Variants in ROBO2 observed in about 807,000 individuals in gnomAD.
ROBO2 encodes roundabout homolog 2.
In ROBO2, 53 loss-of-function variants were observed where a neutral mutation model predicts 160.8. The ratio of observed to expected loss-of-function variants is 0.33; its 90% confidence interval spans 0.26 to 0.41. The LOEUF (loss-of-function observed/expected upper bound fraction) is 0.41, where lower values mean the gene tolerates loss of function less well. ROBO2 is among the 10% of genes least tolerant of loss of function. The pLI is 1.00. For missense variants in ROBO2, 1,577 were observed against 1,722.4 expected, an observed-to-expected ratio of 0.92 and a Z score of 1.49; for synonymous variants, 664 against 611.7, an observed-to-expected ratio of 1.09 and a Z score of -1.26.
At chr3:76,658,017 T>C (rs2091647495) in intron 2 of ROBO2, among the ~76,000 whole-genome samples, 3 of 148,336 alleles carry the variant, frequency 2.0e-5, no homozygotes, top group African/African-American at 7.4e-5. Context: ...TGGTGAGCCA[T>C]TATTATGCCA....
chr3:76,785,076 A>T (rs1207743296), intron 2 of ROBO2, among the ~76,000 whole-genome samples: 1 of 151,062 alleles, frequency 6.6e-6, no homozygotes, highest in Non-Finnish European at 1.5e-5. Flanking sequence ...AGAAATTCCT[A>T]TTCTGTTTGC....
intron 2 of ROBO2, among the ~76,000 whole-genome samples, chr3:76,944,098 AACT>A: frequency 6.6e-6 from 1 of 152,338 alleles, no homozygotes; most frequent in Admixed American, 6.5e-5. Flanking sequence ...TCAACAATTT[AACT>A]GTTAAAGACT....
At chr3:77,097,737 G>A (rs2071283781) in intron 1 of ROBO2, among the ~76,000 whole-genome samples, 1 of 152,064 alleles carries the variant, frequency 6.6e-6, no homozygotes, top group Admixed American at 6.5e-5. Context: ...GATCCCAGAA[G>A]AACAAGAAAG....
chr3:77,410,736 T>C (rs2076721143), intron 2 of ROBO2, among the ~76,000 whole-genome samples: 1 of 134,628 alleles, frequency 7.4e-6, no homozygotes, highest in African/African-American at 2.7e-5. Context: ...CTCCTCTTCC[T>C]CCTCCTTTTC....
At chr3:76,111,497 T>A (rs908590778) in intron 2 of ROBO2, among the ~76,000 whole-genome samples, 1 of 152,096 alleles carries the variant, frequency 6.6e-6, no homozygotes, top group Non-Finnish European at 1.5e-5. Flanking sequence ...CCTGGCATTG[T>A]CTCACACTCC....
rs533730505 is a variant in ROBO2, at chr3:77,600,846, T to C, written c.2855-1364T>C. ...GCTCAAAGAAAGAAGGGCAAGAAAG[T>C]AGTTGTGAAGTTCTGAAATTTAAAA... On this transcript the variant is annotated intron_variant, in intron 19 of 25. Transcript: ENST00000461745. Among the ~76,000 whole-genome samples, 3 of 152,350 alleles carry C rather than the reference T, an allele frequency of 2.0e-5. No individual in the cohort carries two copies. The South Asian group carries it at 6.2e-4, about 32-fold the overall frequency.
chr3:76,442,164 C>T (rs1270671425), intron 2 of ROBO2, among the ~76,000 whole-genome samples: 1 of 152,092 alleles, frequency 6.6e-6, no homozygotes, highest in African/African-American at 2.4e-5. Flanking sequence ...TTTCAGGAGG[C>T]CTAGAGAATA....
intron 2 of ROBO2, among the ~76,000 whole-genome samples, chr3:76,761,529 G>T (rs936661963): frequency 6.6e-6 from 1 of 151,660 alleles, no homozygotes; most frequent in Admixed American, 6.6e-5. Flanking sequence ...GGTTATTCCA[G>T]ATAAGTGTAA....
chr3:76,843,438 A>T (rs1016585216), intron 2 of ROBO2, among the ~76,000 whole-genome samples: 2 of 152,014 alleles, frequency 1.3e-5, no homozygotes, highest in African/African-American at 4.8e-5. Context: ...ATCTGTTGAC[A>T]GGAATATAGG....
Position 77,427,349 on chromosome 3 carries a change from T to G in ROBO2, c.389-50065T>G, listed in dbSNP as rs563825206. ...TGTTGTAAGCACTTGATGTATTATT[T>G]CATTTAATTATTACAATTCCCTTAA... On this transcript the variant is annotated intron_variant, in intron 2 of 25. Transcript: ENST00000461745. Among the ~76,000 whole-genome samples the G allele has an allele frequency of 4.6e-5, 7 of 152,352 alleles. No homozygotes were observed. In the East Asian group the frequency reaches 1.2e-3, roughly 25 times the overall value.
Position 76,706,154 on chromosome 3 carries a change from A to G in ROBO2, c.110-391860A>G, listed in dbSNP as rs143131421. Among the ~76,000 whole-genome samples, 1,093 of 152,232 alleles carry G rather than the reference A, an allele frequency of 7.2e-3. 10 individuals carry two copies. Among genetic ancestry groups the G allele is most frequent in the African/African-American group, 0.021 (887 of 41,554 alleles). On this transcript the variant is annotated intron_variant, in intron 2 of 26. Transcript: ENST00000487694. Reference sequence around the variant, plus strand: ...CTTGAAGTATTAAGAAAGCACCTCAATAGAATAGAAAATAGTTACAAACTT... The same window carrying G: ...CTTGAAGTATTAAGAAAGCACCTCAGTAGAATAGAAAATAGTTACAAACTT...
intron 2 of ROBO2, among the ~76,000 whole-genome samples, chr3:76,770,534 T>G (rs1289927348): frequency 1.3e-5 from 2 of 151,244 alleles, no homozygotes; most frequent in African/African-American, 4.8e-5. Flanking sequence ...AGTAAAGCTC[T>G]TTTCACAGTT....
In ROBO2 at chr3:77,332,056, T is replaced by C. The variant is rs567581545; in HGVS notation, c.389-145358T>C. Among the ~76,000 whole-genome samples, 9 of 152,260 alleles carry C rather than the reference T, an allele frequency of 5.9e-5. No homozygotes were observed. The East Asian group carries it at 1.7e-3, about 29-fold the overall frequency. ...TATGGTAGTGTTATAACTGTTGATA[T>C]CCTTTGTAGTCTGTACTTAAAAACT... On this transcript the variant is annotated intron_variant, in intron 2 of 25. Coordinates refer to ENST00000461745, the Ensembl canonical transcript of ROBO2.
chr3:76,693,461 CATAT>C (rs953965812), intron 2 of ROBO2, among the ~76,000 whole-genome samples: 1 of 135,246 alleles, frequency 7.4e-6, no homozygotes, highest in African/African-American at 3.0e-5. Flanking sequence ...TATATATACA[CATAT>C]ATATGTATTG....
At chr3:77,089,545 A>G (rs1394554240) in intron 1 of ROBO2, among the ~76,000 whole-genome samples, 2 of 152,208 alleles carry the variant, frequency 1.3e-5, no homozygotes, top group Non-Finnish European at 2.9e-5. Context: ...CTAAGAAATA[A>G]GTAGAGTTTC....
At chr3:77,500,633 A>G (rs1396124151) in intron 5 of ROBO2, among the ~76,000 whole-genome samples, 3 of 152,246 alleles carry the variant, frequency 2.0e-5, no homozygotes, top group Non-Finnish European at 4.4e-5. Context: ...GAACAGTTCA[A>G]GTTTACCTTC....
chr3:77,443,402 C>T (rs530670807), intron 2 of ROBO2, among the ~76,000 whole-genome samples: 4 of 151,994 alleles, frequency 2.6e-5, no homozygotes, highest in African/African-American at 9.6e-5. Flanking sequence ...ACATCATTTA[C>T]ATATAGTGCT....
chr3:77,132,689 G>T (rs1412326699), intron 2 of ROBO2, among the ~76,000 whole-genome samples: 4 of 150,192 alleles, frequency 2.7e-5, no homozygotes, highest in South Asian at 4.2e-4. Context: ...CATCTCTTTT[G>T]GCCACTGATT....
chr3:76,459,965 CA>C (rs2077992988), intron 2 of ROBO2, among the ~76,000 whole-genome samples: 1 of 151,722 alleles, frequency 6.6e-6, no homozygotes, highest in Non-Finnish European at 1.5e-5. Context: ...TTTTGTCATC[CA>C]AAGAGAAGTA....
Sources: allele counts gnomAD v4.1 joint callset (sites outside exome capture counted in the v4.1 genomes callset), GRCh38; gene constraint gnomAD v4.1.1; transcripts MANE v1.5; gene names NCBI Gene and HGNC (gene_info 2026-07-23, HGNC 2026-07-21).